The following ATG2B variants were observed in gnomAD, a reference collection of about 807,000 sequenced individuals.
The protein encoded by ATG2B is autophagy related 2B.
Under a neutral mutation model 241.3 loss-of-function variants are expected in ATG2B, and 121 were observed. The observed-to-expected ratio is 0.50, with a 90% CI of 0.43 to 0.58. The LOEUF (loss-of-function observed/expected upper bound fraction) is 0.58. Among genes scored for constraint, ATG2B ranks in the 20% least tolerant of loss-of-function variants. The pLI is 0.00. For missense variants in ATG2B, 2,306 were observed against 2,491.6 expected, an observed-to-expected ratio of 0.93 and a Z score of 1.59; for synonymous variants, 858 against 876.6, an observed-to-expected ratio of 0.98 and a Z score of 0.37.
chr14:96,346,866 T>G (rs1888182219), intron 2 of ATG2B, among the ~76,000 whole-genome samples: 1 of 152,198 alleles, frequency 6.6e-6, no homozygotes, highest in Admixed American at 6.5e-5. Context: ...CCAACAATCT[T>G]TGAGCATTCT....
In ATG2B at chr14:96,347,358, G is replaced by A; in HGVS notation, c.163-17C>T. The A allele has an allele frequency of 2.0e-6, 3 of 1,534,002 alleles. No homozygotes were observed. The highest frequency in any genetic ancestry group is 2.7e-6 in the Non-Finnish European group (3 of 1,126,498). On this transcript the variant is annotated splice_polypyrimidine_tract_variant and intron_variant, in intron 1 of 41. Transcript: ENST00000359933. ...ATTGAGACACTAAGGAGAAAAAACA[G>A]GTTCATTATGAATCACAAGAACAAG... is the stretch of plus-strand genomic sequence containing the variant.
intron 1 of ATG2B, 57 bp downstream of exon 1, chr14:96,362,758 C>G: frequency 1.3e-6 from 2 of 1,546,296 alleles, no homozygotes; most frequent in Non-Finnish European, 1.7e-6. Flanking sequence ...GGCACTGGTT[C>G]AAAGCGCCCT....
At position 96,329,630 on chromosome 14, in the gene ATG2B, T is replaced by C; in HGVS notation, c.1735A>G (p.Ile579Val). The change falls in exon 12 of 42, where the codon ATA (isoleucine) becomes GTA (valine). Residue 579 changes from isoleucine to valine, a missense_variant. This residue lies in a region of ATG2B where 1,927 missense variants were observed against 2,011.2 expected (regional missense o/e 0.96). Coordinates refer to ENST00000359933, the MANE Select transcript of ATG2B (RefSeq NM_018036.7). ...TAGGATACTTTAATGCCAGTACCTATAAATCTATTATAAAAAATGCACCAT... is the reference window on the plus strand; with the variant it reads ...TAGGATACTTTAATGCCAGTACCTACAAATCTATTATAAAAAATGCACCAT... ...EACSHDHLRF[I>V]GTGIKVSYEQ... 1.3e-6 allele frequency: 2 copies of C among 1,587,274 alleles called. No individual in the cohort carries two copies. Among genetic ancestry groups the C allele is most frequent in the African/African-American group, 2.7e-5 (2 of 74,034 alleles).
chr14:96,315,496 G>A lies in ATG2B; in HGVS notation c.3449C>T (p.Ser1150Phe), dbSNP rs1387668026. 6.2e-7 allele frequency: 1 copy of A among 1,614,166 alleles called. No homozygotes were observed. The highest frequency in any genetic ancestry group is 1.1e-5 in the South Asian group (1 of 91,088). The change falls in exon 22 of 42, where the codon TCT becomes TTT. Residue 1150 changes from serine to phenylalanine, a missense_variant. This residue lies in a region of ATG2B where 1,927 missense variants were observed against 2,011.2 expected (regional missense o/e 0.96). Transcript: ENST00000359933. Reference sequence around the variant, plus strand: ...AGTTTTACTGAGGCCATCTTCTTCAGAGGAATAAATAGTAGGTTCCAACCA... The same window carrying A: ...AGTTTTACTGAGGCCATCTTCTTCAAAGGAATAAATAGTAGGTTCCAACCA... ...PHWLEPTIYS[S>F]EEDGLSKTSS...
At chr14:96,311,437 A>T in intron 27 of ATG2B, 105 bp downstream of exon 27, 1 of 1,179,486 alleles carries the variant, frequency 8.5e-7, no homozygotes, top group Non-Finnish European at 1.2e-6. Flanking sequence ...TAATATACTT[A>T]CTCTATTTCT....
chr14:96,294,438 G>A (rs1306921995), intron 36 of ATG2B, among the ~76,000 whole-genome samples: 1 of 152,228 alleles, frequency 6.6e-6, no homozygotes, highest in East Asian at 1.9e-4. Flanking sequence ...GAGCCGTTGG[G>A]CAGCAGTCAC....
chr14:96,323,821 A>G lies in ATG2B; in HGVS notation c.2540+75T>C, dbSNP rs1359120051. The G allele has an allele frequency of 6.1e-6, 6 of 980,868 alleles. No homozygotes were observed. In the East Asian group the frequency reaches 1.3e-4, roughly 21 times the overall value. The allele number at this position is 980,868 out of a possible 1,614,324, so 60.8% of individuals were successfully genotyped here. ...GACATGTTTAGCTTATATTTAATAG[A>G]CAAAATGTTGGTTTAAAAGAATATT... On this transcript the variant is annotated intron_variant, in intron 16 of 41. Coordinates refer to ENST00000359933, the MANE Select transcript of ATG2B (RefSeq NM_018036.7).
At chr14:96,326,771 G>A (rs868807926) in intron 14 of ATG2B, among the ~76,000 whole-genome samples, 2 of 151,934 alleles carry the variant, frequency 1.3e-5, no homozygotes, top group Non-Finnish European at 2.9e-5. Context: ...TATCACCCAG[G>A]CTGGTCTCAA....
chr14:96,322,251 C>G lies in ATG2B; in HGVS notation c.2740G>C (p.Val914Leu). ...ATTTCTACAGGGTCTCCTGGCATCACCATCTAAAACATAATAGTTCAGTGC... is the reference window on the plus strand; with the variant it reads ...ATTTCTACAGGGTCTCCTGGCATCAGCATCTAAAACATAATAGTTCAGTGC... ...RRVMFENEQM[V>L]MPGDPVEMTE... Residue 914 changes from valine to leucine, a missense_variant, in exon 18 of 42, where the codon GTG (valine) becomes CTG (leucine). Val to Leu is a conservative substitution (Grantham distance 32). This residue lies in a region of ATG2B where 1,927 missense variants were observed against 2,011.2 expected (regional missense o/e 0.96). Transcript: ENST00000359933. The G allele has an allele frequency of 1.9e-6, 3 of 1,587,530 alleles. No individual in the cohort carries two copies. Among genetic ancestry groups the G allele is most frequent in the Non-Finnish European group, 2.6e-6 (3 of 1,172,668 alleles).
At position 96,311,272 on chromosome 14, in the gene ATG2B, C is replaced by G; in HGVS notation, c.4006G>C (p.Glu1336Gln). 1 of 1,612,766 alleles carries G rather than the reference C, an allele frequency of 6.2e-7. No homozygotes were observed. The highest frequency in any genetic ancestry group is 8.5e-7 in the Non-Finnish European group (1 of 1,179,472). ...SDGEQTEPRFELHCSSDVVHI... is the reference protein window; with the variant it reads ...SDGEQTEPRFQLHCSSDVVHI... ...ACAACATCGCTGGAACAGTGTAACT[C>G]AAAGCGGGGCTCAGTCTGGACAAGA... Residue 1336 changes from glutamate to glutamine, a missense_variant, in exon 28 of 42, where the codon GAG becomes CAG. Physicochemically the swap from Glu to Gln is conservative, Grantham distance 29. Coordinates refer to ENST00000359933, the MANE Select transcript of ATG2B (RefSeq NM_018036.7).
rs562348521 is a variant in ATG2B at position 96,363,154 on chromosome 14, G to C, written c.-178C>G. On this transcript the variant is annotated 5_prime_UTR_variant, in exon 1 of 42. Coordinates refer to ENST00000359933, the MANE Select transcript of ATG2B (RefSeq NM_018036.7). ...TCGCCGGCGCCGCACCGCTCGCGCTGGGCCTGGCGGAGGCAAGACGCAGAG... is the reference window on the plus strand; with the variant it reads ...TCGCCGGCGCCGCACCGCTCGCGCTCGGCCTGGCGGAGGCAAGACGCAGAG... 1.5e-6 allele frequency: 1 copy of C among 652,502 alleles called. No homozygotes were observed. The highest frequency in any genetic ancestry group is 1.9e-5 in the African/African-American group (1 of 53,454). The allele number at this position is 652,502 out of a possible 1,614,324, so 40.4% of individuals were successfully genotyped here.
At chr14:96,295,409 C>A in intron 35 of ATG2B, 73 bp downstream of exon 35, 1 of 1,096,098 alleles carries the variant, frequency 9.1e-7, no homozygotes, top group South Asian at 1.6e-5. Context: ...AGTACATTCT[C>A]AAAAAAGCCT....
chr14:96,332,470 A>T, intron 9 of ATG2B, 31 bp downstream of exon 9: 8 of 1,611,486 alleles, frequency 5.0e-6, no homozygotes, highest in Non-Finnish European at 6.8e-6. Context: ...GCAACTTTTC[A>T]GTCTAGAAGA....
rs1357406775 is a variant in ATG2B, at chr14:96,292,057, T to TA, written c.5467dup (p.Tyr1823LeufsTer27). 1.9e-6 allele frequency: 3 copies of TA among 1,600,184 alleles called. No homozygotes were observed. The highest frequency in any genetic ancestry group is 2.6e-6 in the Non-Finnish European group (3 of 1,173,074). ...ATCCATTGATACATGTTTGCCATGA[T>TA]AATCAAGTCGAATGGGAACTTCTGA... On this transcript the variant is annotated frameshift_variant, in exon 37 of 42. Transcript: ENST00000359933. LOFTEE classifies it high-confidence loss of function.
chr14:96,300,064 C>T (rs1205396133), intron 34 of ATG2B, among the ~76,000 whole-genome samples: 2 of 152,260 alleles, frequency 1.3e-5, no homozygotes, highest in African/African-American at 4.8e-5. Flanking sequence ...CTTTGTTTTC[C>T]TAGCTTTTAT....
At chr14:96,312,185 A>T in intron 25 of ATG2B, 26 bp from the exon 26 acceptor site, 1 of 1,566,222 alleles carries the variant, frequency 6.4e-7, no homozygotes, top group Non-Finnish European at 8.7e-7. Context: ...TAAAACCAAC[A>T]TCTGAAAAAC....
At chr14:96,339,014 A>C (rs1329344970) in intron 6 of ATG2B, among the ~76,000 whole-genome samples, 1 of 152,164 alleles carries the variant, frequency 6.6e-6, no homozygotes, top group African/African-American at 2.4e-5. Flanking sequence ...AACAGCCAAC[A>C]ACCATGAAAA....
At chr14:96,309,645 A>C (rs771919433) in intron 28 of ATG2B, 51 bp from the exon 29 acceptor site, 4 of 1,522,496 alleles carry the variant, frequency 2.6e-6, no homozygotes, top group Admixed American at 3.8e-5. Context: ...CTTAAAAACC[A>C]AACTACTTAC....
At chr14:96,302,203 T>G in intron 33 of ATG2B, 95 bp from the exon 34 acceptor site, 1 of 738,494 alleles carries the variant, frequency 1.4e-6, no homozygotes, top group East Asian at 2.7e-5. Context: ...TTCCTATTCC[T>G]ATACCATATG....
Sources: gnomAD v4.1 joint callset for allele counts (sites outside exome capture counted in the v4.1 genomes callset) on GRCh38, gnomAD v4.1.1 for gene constraint, gnomAD v4.1.1 regional missense constraint, MANE v1.5 for transcripts, NCBI Gene and HGNC (gene_info 2026-07-23, HGNC 2026-07-21) for gene names.